Variants in GTPBP10 observed in about 807,000 individuals in gnomAD.
The protein encoded by GTPBP10 is GTP-binding protein 10.
A neutral mutation model predicts 44.8 loss-of-function variants in GTPBP10; 38 were observed. That is an observed-to-expected ratio of 0.85 (90% CI 0.65 to 1.11). The LOEUF (loss-of-function observed/expected upper bound fraction) is 1.11. Among genes scored for constraint, GTPBP10 ranks in the 50% most tolerant of loss-of-function variants. The pLI, the probability that GTPBP10 is intolerant of heterozygous loss-of-function variation, is 0.00. For missense variants in GTPBP10, 462 were observed against 453.7 expected (o/e 1.02, Z -0.17); for synonymous variants, 152 against 150.6 (o/e 1.01, Z -0.07).
rs1355885938 is a variant in GTPBP10 at position 90,390,228 on chromosome 7, G to C, written c.*5074G>C. On this transcript the variant is annotated 3_prime_UTR_variant, in exon 10 of 10. Transcript: ENST00000222511. ...AGGTAGTAGAAATGAGAAAGGGAGAGAGGGAAGAAGAAAAAAATGGATGTT... is the reference window on the plus strand; with the variant it reads ...AGGTAGTAGAAATGAGAAAGGGAGACAGGGAAGAAGAAAAAAATGGATGTT... 1 of 152,206 alleles carries C rather than the reference G, an allele frequency of 6.6e-6. No homozygotes were observed. The allele number at this position is 152,206 out of a possible 1,614,324, so 9.4% of individuals were successfully genotyped here.
intron 8 of GTPBP10, among the ~76,000 whole-genome samples, chr7:90,379,970 G>A (rs1031800919): frequency 2.5e-4 from 38 of 152,204 alleles, no homozygotes; most frequent in African/African-American, 8.9e-4. Flanking sequence ...TGTGTCTTTG[G>A]AGAAAAGTCT....
At position 90,383,068 on chromosome 7, in the gene GTPBP10, A is replaced by G. The variant is rs749994319; in HGVS notation, c.890A>G (p.Gln297Arg). 11 of 1,573,896 alleles carry G rather than the reference A, an allele frequency of 7.0e-6. No individual in the cohort carries two copies. Among genetic ancestry groups the G allele is most frequent in the Non-Finnish European group, 9.5e-6 (11 of 1,156,362 alleles). Residue 297 changes from glutamine (Q) to arginine (R), a missense_variant, in exon 9 of 10, where the codon CAG becomes CGG. Coordinates refer to ENST00000222511, the MANE Select transcript of GTPBP10 (RefSeq NM_033107.4). The part of the protein sequence containing the change: ...DKFHELMSQL[Q>R]NPKDFLHLFE... ...TTCCATGAATTGATGAGCCAGCTCCAGAATCCTAAAGGTAAACCTATTTAT... is the reference window on the plus strand; with the variant it reads ...TTCCATGAATTGATGAGCCAGCTCCGGAATCCTAAAGGTAAACCTATTTAT...
intron 6 of GTPBP10, among the ~76,000 whole-genome samples, chr7:90,375,411 T>C (rs923020397): frequency 1.3e-5 from 2 of 152,166 alleles, no homozygotes; most frequent in Non-Finnish European, 2.9e-5. Flanking sequence ...TGCAACAATG[T>C]AAAGTATAGA....
At chr7:90,365,532 C>A (rs1430566083) in intron 4 of GTPBP10, among the ~76,000 whole-genome samples, 1 of 151,198 alleles carries the variant, frequency 6.6e-6, no homozygotes, top group Admixed American at 6.6e-5. Context: ...CCCGCCACTA[C>A]GCCCGGCTAA....
chr7:90,357,129 G>T (rs1795918168), intron 4 of GTPBP10, among the ~76,000 whole-genome samples: 1 of 152,116 alleles, frequency 6.6e-6, no homozygotes, highest in African/African-American at 2.4e-5. Context: ...GATTTGTGCT[G>T]CTGTTGTCAG....
At chr7:90,358,138 C>A (rs1372730542) in intron 4 of GTPBP10, among the ~76,000 whole-genome samples, 2 of 152,160 alleles carry the variant, frequency 1.3e-5, no homozygotes, top group Non-Finnish European at 2.9e-5. Flanking sequence ...TATACACCAA[C>A]AACAACCAAG....
chr7:90,382,389 A>G (rs1291462831), intron 8 of GTPBP10, among the ~76,000 whole-genome samples: 1 of 152,110 alleles, frequency 6.6e-6, no homozygotes, highest in Non-Finnish European at 1.5e-5. Context: ...AAGTGCTGAG[A>G]TTACAGGCAT....
At chr7:90,352,771 G>T (rs1795815011) in intron 1 of GTPBP10, 45 bp from the exon 2 acceptor site, 2 of 1,447,114 alleles carry the variant, frequency 1.4e-6, no homozygotes, top group East Asian at 2.3e-5. Context: ...GTTCTAAGGT[G>T]ATACACTTTT....
chr7:90,357,553 A>G (rs967631848), intron 4 of GTPBP10, among the ~76,000 whole-genome samples: 2 of 152,164 alleles, frequency 1.3e-5, no homozygotes, highest in African/African-American at 4.8e-5. Flanking sequence ...ATTCCAAATT[A>G]ATATTTGCAG....
intron 7 of GTPBP10, 66 bp from the exon 8 acceptor site, chr7:90,378,068 A>G: frequency 6.6e-7 from 1 of 1,507,386 alleles, no homozygotes; most frequent in Non-Finnish European, 9.0e-7. Context: ...AAACATTTTA[A>G]AACATAGAAA....
At chr7:90,351,794 C>T (rs34513920) in intron 1 of GTPBP10, among the ~76,000 whole-genome samples, 2,590 of 152,218 alleles carry the variant, frequency 0.017, 34 homozygotes, top group Non-Finnish European at 0.028. Flanking sequence ...CTCCCAGGTT[C>T]ATGCCATTCT....
At chr7:90,370,892 A>G (rs1040099203) in intron 4 of GTPBP10, among the ~76,000 whole-genome samples, 1 of 151,856 alleles carries the variant, frequency 6.6e-6, no homozygotes, top group South Asian at 2.1e-4. Flanking sequence ...CTGTAGTCCC[A>G]TCTACTTGGG....
chr7:90,356,867 A>G (rs540178443), intron 4 of GTPBP10, among the ~76,000 whole-genome samples: 1 of 152,322 alleles, frequency 6.6e-6, no homozygotes, highest in South Asian at 2.1e-4. Flanking sequence ...ACTGCATATA[A>G]TGAAATACTA....
Position 90,386,683 on chromosome 7 carries a change from A to AT in GTPBP10, c.*1529_*1530insT, listed in dbSNP as rs1387854211. The AT allele has an allele frequency of 6.6e-6, 1 of 152,186 alleles. No homozygotes were observed. The highest frequency in any genetic ancestry group is 1.5e-5 in the Non-Finnish European group (1 of 68,022). The allele number at this position is 152,186 out of a possible 1,614,324, so 9.4% of individuals were successfully genotyped here. On this transcript the variant is annotated 3_prime_UTR_variant, in exon 10 of 10. Coordinates refer to ENST00000222511, the MANE Select transcript of GTPBP10 (RefSeq NM_033107.4). ...ACATAGCAAGACCCTGGCTCTCTAT[A>AT]AAACAGAAAACGCAAACTTTAATAT... is the stretch of plus-strand genomic sequence containing the variant.
intron 8 of GTPBP10, among the ~76,000 whole-genome samples, chr7:90,379,271 A>T (rs1237328270): frequency 2.0e-5 from 3 of 152,004 alleles, no homozygotes; most frequent in Admixed American, 6.6e-5. Flanking sequence ...TGGAATATTG[A>T]ATCTGGTCCT....
rs996079553 is a variant in GTPBP10, at chr7:90,388,532, A to G, written c.*3378A>G. 1 of 152,082 alleles carries G rather than the reference A, an allele frequency of 6.6e-6. No homozygotes were observed. The highest frequency in any genetic ancestry group is 2.4e-5 in the African/African-American group (1 of 41,412). 9.4% of individuals were successfully genotyped at this position (152,082 alleles called of 1,614,324 possible). The stretch of plus-strand genomic sequence containing the variant: ...CACACTGAAAAATTCCAAAATACCT[A>G]TTATGTTGTGCTTTTTGTGATATAT... On this transcript the variant is annotated 3_prime_UTR_variant, in exon 10 of 10. Coordinates refer to ENST00000222511, the MANE Select transcript of GTPBP10 (RefSeq NM_033107.4).
intron 4 of GTPBP10, among the ~76,000 whole-genome samples, chr7:90,366,650 C>G (rs1039500368): frequency 2.0e-5 from 3 of 148,374 alleles, no homozygotes; most frequent in African/African-American, 2.5e-5. Context: ...TTTATTGCGT[C>G]TATTTGATTC....
chr7:90,377,409 C>CTG, intron 6 of GTPBP10, 98 bp from the exon 7 acceptor site: 1 of 690,960 alleles, frequency 1.4e-6, no homozygotes, highest in Non-Finnish European at 2.5e-6. Context: ...AAGTTAGGAA[C>CTG]TGTTTATATT....
At chr7:90,351,730 C>G (rs187765202) in intron 1 of GTPBP10, among the ~76,000 whole-genome samples, 91 of 152,138 alleles carry the variant, frequency 6.0e-4, no homozygotes, top group African/African-American at 2.1e-3. Context: ...GAGTCTCGCT[C>G]TGTCGCCCAG....
Sources: allele counts gnomAD v4.1 joint callset (sites outside exome capture counted in the v4.1 genomes callset), GRCh38; gene constraint gnomAD v4.1.1; transcripts MANE v1.5; gene names NCBI Gene and HGNC (gene_info 2026-07-23, HGNC 2026-07-21).